Variants in OSBPL10 observed in about 807,000 individuals in gnomAD.
OSBPL10 encodes the protein oxysterol binding protein like 10.
In OSBPL10, 49 loss-of-function variants were observed where a neutral mutation model predicts 81.7. The ratio of observed to expected loss-of-function variants is 0.60; its 90% confidence interval spans 0.48 to 0.76. The LOEUF (loss-of-function observed/expected upper bound fraction) is 0.76. OSBPL10 is among the 30% of genes least tolerant of loss of function. OSBPL10 has a pLI of 0.00. For synonymous variants in OSBPL10, 419 were observed against 383.6 expected, an observed-to-expected ratio of 1.09 and a Z score of -1.08; for missense variants, 923 against 987.8, an observed-to-expected ratio of 0.93 and a Z score of 0.88.
intron 7 of OSBPL10, among the ~76,000 whole-genome samples, chr3:31,686,304 G>A (rs1455221285): frequency 6.6e-6 from 1 of 152,196 alleles, no homozygotes; most frequent in Non-Finnish European, 1.5e-5. Flanking sequence ...AGAGAGATAG[G>A]CAGACATGAG....
At chr3:31,857,870 GAGGGAA>G (rs1379437593) in intron 3 of OSBPL10, among the ~76,000 whole-genome samples, 24 of 121,312 alleles carry the variant, frequency 2.0e-4, no homozygotes, top group Middle Eastern at 4.2e-3. Context: ...GGGAGAGGGA[GAGGGAA>G]AGGGGGGGAG....
intron 1 of OSBPL10, among the ~76,000 whole-genome samples, chr3:31,914,172 C>T (rs911443292): frequency 5.3e-5 from 8 of 152,170 alleles, no homozygotes; most frequent in East Asian, 1.9e-4. Flanking sequence ...CCACCCACCT[C>T]GGCCTCCCAA....
At chr3:31,995,299 A>G (rs1699079610) in intron 2 of OSBPL10, among the ~76,000 whole-genome samples, 1 of 152,200 alleles carries the variant, frequency 6.6e-6, no homozygotes, top group South Asian at 2.1e-4. Flanking sequence ...TCAACCACAT[A>G]GGACAGACAT....
At chr3:32,071,314 T>A (rs1217402828) in intron 1 of OSBPL10, among the ~76,000 whole-genome samples, 1 of 152,132 alleles carries the variant, frequency 6.6e-6, no homozygotes, top group African/African-American at 2.4e-5. Flanking sequence ...GATACCTGGT[T>A]TTGCATCCTA....
chr3:31,951,578 T>C (rs1055929441), intron 1 of OSBPL10, among the ~76,000 whole-genome samples: 1 of 151,872 alleles, frequency 6.6e-6, no homozygotes, highest in African/African-American at 2.4e-5. Flanking sequence ...TTATGCTCTG[T>C]TACATATATG....
At chr3:31,699,805 C>G (rs6794111) in intron 7 of OSBPL10, among the ~76,000 whole-genome samples, 96,938 of 152,074 alleles carry the variant, frequency 0.64, 31,778 homozygotes, top group Non-Finnish European at 0.73. Context: ...GGCACATCCT[C>G]AGGGACACGG....
intron 6 of OSBPL10, among the ~76,000 whole-genome samples, chr3:31,716,070 G>A (rs1016304996): frequency 2.6e-5 from 4 of 152,148 alleles, no homozygotes; most frequent in Non-Finnish European, 4.4e-5. Context: ...GTCTACTGTG[G>A]TCCCTGGACC....
chr3:31,670,784 G>A lies in OSBPL10; in HGVS notation c.1913+13C>T, dbSNP rs529215000. The A allele has an allele frequency of 1.0e-4, 163 of 1,608,434 alleles. No homozygotes were observed. The highest frequency in any genetic ancestry group is 2.7e-4 in the South Asian group (24 of 90,162). On this transcript the variant is annotated intron_variant, in intron 9 of 11. Coordinates refer to ENST00000396556, the MANE Select transcript of OSBPL10 (RefSeq NM_017784.5). The stretch of plus-strand genomic sequence containing the variant: ...GTTAAGACAAAGCCAGAGTCTCTCC[G>A]GCCAGCTCCTACCTGTGGACTTTCC...
chr3:31,688,266 ATC>A (rs72309837), intron 7 of OSBPL10, among the ~76,000 whole-genome samples: 7,173 of 130,590 alleles, frequency 0.055, 239 homozygotes, highest in African/African-American at 0.059. Flanking sequence ...CCCTGCACAA[ATC>A]TCTCTCTCTC....
intron 1 of OSBPL10, among the ~76,000 whole-genome samples, chr3:31,911,155 G>A (rs769648593): frequency 6.6e-6 from 1 of 152,192 alleles, no homozygotes; most frequent in Non-Finnish European, 1.5e-5. Context: ...AGGGCCTACA[G>A]AGTTGCCAAA....
chr3:31,779,841 A>G (rs147430282), intron 4 of OSBPL10, among the ~76,000 whole-genome samples: 354 of 152,364 alleles, frequency 2.3e-3, no homozygotes, highest in African/African-American at 7.9e-3. Context: ...TCTAAATTAT[A>G]TCAAGTACTC....
chr3:31,706,314 A>G (rs2125602900), intron 6 of OSBPL10, among the ~76,000 whole-genome samples: 1 of 152,262 alleles, frequency 6.6e-6, no homozygotes, highest in East Asian at 1.9e-4. Context: ...CATCCTTGAA[A>G]TTTTATGCAA....
intron 4 of OSBPL10, among the ~76,000 whole-genome samples, chr3:31,792,856 C>T (rs1446771222): frequency 9.7e-6 from 1 of 103,470 alleles, no homozygotes. Context: ...GCTATCTAGG[C>T]ACTCTGTGTG....
rs777115470 is a variant in OSBPL10 at position 31,990,728 on chromosome 3, A to G, written n.298+55763T>C. 8 of 1,613,932 alleles carry G rather than the reference A, an allele frequency of 5.0e-6. No homozygotes were observed. In the Admixed American group the frequency reaches 5.0e-5, roughly 10 times the overall value. ...GAATGTGACACAGTTTTCAGTCGCA[A>G]ATCACACCATGAAACACATAAGAGA... is the stretch of plus-strand genomic sequence containing the variant. On this transcript the variant is annotated intron_variant and non_coding_transcript_variant, in intron 2 of 3. Coordinates refer to the OSBPL10 transcript ENST00000479173.
chr3:31,953,995 G>T (rs1457948365), intron 1 of OSBPL10, among the ~76,000 whole-genome samples: 2 of 152,218 alleles, frequency 1.3e-5, no homozygotes, highest in African/African-American at 4.8e-5. Context: ...ATAGGAACTT[G>T]TTTCCAGCTC....
chr3:31,768,732 G>C (rs1239918555), intron 4 of OSBPL10, among the ~76,000 whole-genome samples: 1 of 152,088 alleles, frequency 6.6e-6, no homozygotes, highest in African/African-American at 2.4e-5. Flanking sequence ...AACGCATCAG[G>C]AACCCAAACC....
chr3:31,665,664 T>C (rs1700171544), intron 10 of OSBPL10, among the ~76,000 whole-genome samples: 1 of 152,184 alleles, frequency 6.6e-6, no homozygotes, highest in South Asian at 2.1e-4. Flanking sequence ...CTTTCCACTG[T>C]ACCCTCATAA....
At chr3:31,990,902 A>T (rs1300472977) in intron 2 of OSBPL10, 7 of 1,575,372 alleles carry the variant, frequency 4.4e-6, no homozygotes, top group Non-Finnish European at 6.0e-6. Context: ...TCACATTCAC[A>T]TCGCATTAGA....
chr3:32,028,756 T>A (rs1277144353), intron 2 of OSBPL10, among the ~76,000 whole-genome samples: 1 of 152,088 alleles, frequency 6.6e-6, no homozygotes, highest in Non-Finnish European at 1.5e-5. Flanking sequence ...TCTTTCCTTT[T>A]CTATGGCTAA....
Sources: allele counts gnomAD v4.1 joint callset (sites outside exome capture counted in the v4.1 genomes callset), GRCh38; gene constraint gnomAD v4.1.1; transcripts MANE v1.5; gene names NCBI Gene and HGNC (gene_info 2026-07-23, HGNC 2026-07-21).